The following NAE1 variants were observed in gnomAD, a reference collection of about 807,000 sequenced individuals.
The protein encoded by NAE1 is NEDD8 activating enzyme E1 subunit 1, also known as NEDD8-activating enzyme E1 regulatory subunit.
In NAE1, 59 loss-of-function variants were observed where a neutral mutation model predicts 88.0. The observed-to-expected ratio is 0.67, with a 90% CI of 0.54 to 0.83. The LOEUF is 0.83. Among genes scored for constraint, NAE1 ranks in the 40% least tolerant of loss-of-function variants. The pLI is 0.00. For missense variants in NAE1, 554 were observed against 632.8 expected (o/e 0.88, Z 1.34); for synonymous variants, 186 against 208.9 (o/e 0.89, Z 0.95).
intron 13 of NAE1, among the ~76,000 whole-genome samples, chr16:66,812,513 C>CTTTTT (rs961953416): frequency 5.1e-4 from 53 of 103,624 alleles, no homozygotes; most frequent in Non-Finnish European, 6.9e-4. Flanking sequence ...CCCCTAAGTT[C>CTTTTT]TTTTTTTTTT....
intron 7 of NAE1, among the ~76,000 whole-genome samples, chr16:66,821,011 G>A (rs1249405040): frequency 6.6e-6 from 1 of 152,178 alleles, no homozygotes; most frequent in African/African-American, 2.4e-5. Flanking sequence ...GGAGGTTGCA[G>A]TGAGCCAAGA....
intron 13 of NAE1, chr16:66,813,088 G>C (rs555682165): frequency 6.5e-6 from 1 of 153,278 alleles, no homozygotes; most frequent in East Asian, 1.9e-4. Flanking sequence ...CTCCCAAAGC[G>C]CTGGGATTAC....
rs1208388076 is a variant in NAE1, at chr16:66,830,900, G to A, written c.-1C>T. The A allele has an allele frequency of 3.3e-6, 5 of 1,534,868 alleles. No individual in the cohort carries two copies. Among genetic ancestry groups the A allele is most frequent in the South Asian group, 1.2e-5 (1 of 83,968 alleles). On this transcript the variant is annotated 5_prime_UTR_variant, in exon 1 of 20. Coordinates refer to ENST00000290810, the MANE Select transcript of NAE1 (RefSeq NM_003905.4). ...TGAGCAGCTTTCCCAGCTGCGCCAT[G>A]GCCGCGCCTGCCGCGCGGAAAACAG...
At chr16:66,829,421 G>C (rs1363944926) in intron 1 of NAE1, among the ~76,000 whole-genome samples, 2 of 152,166 alleles carry the variant, frequency 1.3e-5, no homozygotes, top group East Asian at 3.8e-4. Context: ...AAGAGCCTTA[G>C]TTTACATCCT....
chr16:66,830,500 T>C (rs914076328), intron 1 of NAE1, among the ~76,000 whole-genome samples: 5 of 152,234 alleles, frequency 3.3e-5, no homozygotes, highest in African/African-American at 7.2e-5. Flanking sequence ...CCTAACCCTC[T>C]GTGCCGCCCT....
In NAE1 at chr16:66,804,249, A is replaced by AAC. The variant is rs1959473491; in HGVS notation, c.1496-1132_1496-1131insGT. ...ATGCACAGAAGTAAAAAACAAAAAA[A>AAC]AAAAAACAAAGAAAACCTTCAATTT... On this transcript the variant is annotated intron_variant, in intron 19 of 19. Coordinates refer to ENST00000290810, the MANE Select transcript of NAE1 (RefSeq NM_003905.4). Among the ~76,000 whole-genome samples, 3 of 151,832 alleles carry AAC rather than the reference A, an allele frequency of 2.0e-5. No individual in the cohort carries two copies. In the South Asian group the frequency reaches 6.2e-4, roughly 32 times the overall value.
At chr16:66,806,677 T>G (rs1959579301) in intron 17 of NAE1, among the ~76,000 whole-genome samples, 1 of 152,158 alleles carries the variant, frequency 6.6e-6, no homozygotes, top group South Asian at 2.1e-4. Flanking sequence ...CCTCCCAAAG[T>G]GCTGGGATTA....
In NAE1 at chr16:66,823,612, C is replaced by A; in HGVS notation, c.250-12G>T. On this transcript the variant is annotated splice_polypyrimidine_tract_variant and intron_variant, in intron 4 of 19. Transcript: ENST00000290810. ...GCTTCAGCTCGGTTCTTTTTAAAAA[C>A]AAAGCATTTAACTTGAATTAGAAAA... 6.3e-7 allele frequency: 1 copy of A among 1,584,128 alleles called. No homozygotes were observed. Among genetic ancestry groups the A allele is most frequent in the Non-Finnish European group, 8.5e-7 (1 of 1,171,394 alleles).
intron 11 of NAE1, among the ~76,000 whole-genome samples, chr16:66,814,452 G>C (rs1159562727): frequency 6.6e-6 from 1 of 151,880 alleles, no homozygotes; most frequent in East Asian, 1.9e-4. Context: ...AATTAGCTGC[G>C]CGTGGTGGCA....
At chr16:66,810,444 A>G (rs940082644) in intron 14 of NAE1, 31 bp from the exon 15 acceptor site, 2 of 1,569,556 alleles carry the variant, frequency 1.3e-6, no homozygotes, top group Non-Finnish European at 1.7e-6. Context: ...ATTCTGTTCC[A>G]GTTTAAAAGA....
intron 4 of NAE1, 42 bp from the exon 5 acceptor site, chr16:66,823,642 TGGTCACA>T (rs886923479): frequency 6.5e-7 from 1 of 1,527,412 alleles, no homozygotes; most frequent in Non-Finnish European, 8.9e-7. Flanking sequence ...AGAAAAAACT[TGGTCACA>T]ATATAATCCC....
Position 66,830,613 on chromosome 16 carries a change from G to A in NAE1, c.53+234C>T, listed in dbSNP as rs1381337983. Among the ~76,000 whole-genome samples, 4 of 152,202 alleles carry A rather than the reference G, an allele frequency of 2.6e-5. No homozygotes were observed. In the East Asian group the frequency reaches 5.8e-4, roughly 22 times the overall value. ...CCTTAGCTACCCGGCTGGCGCTGGG[G>A]ACCCCGTCCCCCGAACTGCACACCG... is the stretch of plus-strand genomic sequence containing the variant. On this transcript the variant is annotated intron_variant, in intron 1 of 19. Coordinates refer to ENST00000290810, the MANE Select transcript of NAE1 (RefSeq NM_003905.4).
At chr16:66,823,076 CAAAAAAAAAAA>C in intron 6 of NAE1, 140 bp downstream of exon 6, 1 of 146,680 alleles carries the variant, frequency 6.8e-6, no homozygotes, top group Non-Finnish European at 1.2e-5. Context: ...AGCTCAAGCT[CAAAAAAAAAAA>C]AAAAAAAAAA....
At chr16:66,823,421 A>C in intron 5 of NAE1, 108 bp downstream of exon 5, 1 of 1,287,840 alleles carries the variant, frequency 7.8e-7, no homozygotes, top group Non-Finnish European at 1.1e-6. Flanking sequence ...ATTCCAATTC[A>C]ACTAATCATA....
intron 15 of NAE1, among the ~76,000 whole-genome samples, chr16:66,810,141 A>C (rs1181900501): frequency 6.6e-6 from 1 of 152,188 alleles, no homozygotes; most frequent in African/African-American, 2.4e-5. Flanking sequence ...CTGACCGTCA[A>C]GCCTTTTTAG....
chr16:66,821,768 G>C (rs1283548529), intron 6 of NAE1, among the ~76,000 whole-genome samples: 1 of 152,126 alleles, frequency 6.6e-6, no homozygotes, highest in Non-Finnish European at 1.5e-5. Flanking sequence ...GTACATCTTT[G>C]GACAAGAGGG....
At chr16:66,821,960 C>T (rs139201496) in intron 6 of NAE1, among the ~76,000 whole-genome samples, 2 of 152,250 alleles carry the variant, frequency 1.3e-5, no homozygotes, top group African/African-American at 4.8e-5. Flanking sequence ...GCCTCGACCT[C>T]CCAGGCTCAA....
At chr16:66,804,405 T>G (rs1191850797) in intron 19 of NAE1, among the ~76,000 whole-genome samples, 1 of 152,244 alleles carries the variant, frequency 6.6e-6, no homozygotes, top group Non-Finnish European at 1.5e-5. Context: ...TTTGCTACTT[T>G]GGCACAAGAG....
chr16:66,823,296 T>C lies in NAE1; in HGVS notation c.332A>G (p.Asn111Ser). 2.5e-6 allele frequency: 4 copies of C among 1,598,552 alleles called. No individual in the cohort carries two copies. Among genetic ancestry groups the C allele is most frequent in the Non-Finnish European group, 3.4e-6 (4 of 1,174,408 alleles). ...AAATGAGGGATCATTGTCTAGAAGG[T>C]TTTCTGGACTCTAAACAGGACAGCA... ...SGSFVEESPE[N>S]LLDNDPSFFC... Residue 111 changes from asparagine to serine, a missense_variant, in exon 6 of 20, where the codon AAC (asparagine) becomes AGC (serine). Physicochemically the swap from Asn to Ser is conservative, Grantham distance 46 (BLOSUM62 1). Transcript: ENST00000290810.
Sources: allele counts gnomAD v4.1 joint callset (sites outside exome capture counted in the v4.1 genomes callset), GRCh38; gene constraint gnomAD v4.1.1; transcripts MANE v1.5; gene names NCBI Gene and HGNC (gene_info 2026-07-23, HGNC 2026-07-21).